AFF4: variants seen among roughly 807,000 people sequenced by gnomAD.
AFF4 encodes ALF transcription elongation factor 4, also known as AF4/FMR2 family member 4.
In AFF4, 13 loss-of-function variants were observed where a neutral mutation model predicts 124.8. The ratio of observed to expected loss-of-function variants is 0.10; its 90% CI spans 0.07 to 0.17. AFF4 has a LOEUF of 0.17. Ranked by LOEUF, AFF4 falls within the 10% of genes least tolerant of loss-of-function variation. AFF4 has a pLI of 1.00. For synonymous variants in AFF4, 477 were observed against 496.1 expected (o/e 0.96, Z 0.51); for missense variants, 1,092 against 1,403.8 (o/e 0.78, Z 3.55).
chr5:132,882,095 C>T (rs1759995315), intron 20 of AFF4, among the ~76,000 whole-genome samples: 2 of 151,894 alleles, frequency 1.3e-5, no homozygotes, highest in Non-Finnish European at 2.9e-5. Context: ...CATCTGTAGT[C>T]CCAGCTACTC....
chr5:132,889,279 C>T, intron 13 of AFF4, 106 bp from the exon 14 acceptor site: 2 of 711,490 alleles, frequency 2.8e-6, no homozygotes, highest in Non-Finnish European at 4.7e-6. Flanking sequence ...ATTTCATTGC[C>T]TTTCATAATG....
chr5:132,881,020 G>T lies in AFF4; in HGVS notation c.*39C>A. 1.9e-6 allele frequency: 3 copies of T among 1,606,274 alleles called. No homozygotes were observed. The highest frequency in any genetic ancestry group is 2.5e-6 in the Non-Finnish European group (3 of 1,176,806). On this transcript the variant is annotated 3_prime_UTR_variant, in exon 21 of 21. Transcript: ENST00000265343. ...GTTTTCCTTCGTGATGTGACACAGTGTTGTGGAGAAAATCAGAGGCAACGA... is the reference window on the plus strand; with the variant it reads ...GTTTTCCTTCGTGATGTGACACAGTTTTGTGGAGAAAATCAGAGGCAACGA...
chr5:132,903,127 A>G (rs1760591029), intron 6 of AFF4, among the ~76,000 whole-genome samples: 1 of 152,208 alleles, frequency 6.6e-6, no homozygotes, highest in African/African-American at 2.4e-5. Context: ...CGACTAGGGA[A>G]AACAAGCTGA....
chr5:132,902,550 G>T, intron 6 of AFF4, 63 bp from the exon 7 acceptor site: 1 of 1,173,582 alleles, frequency 8.5e-7, no homozygotes, highest in South Asian at 1.3e-5. Flanking sequence ...AAATGTCTAT[G>T]TAAAATACCC....
At chr5:132,959,007 C>T (rs1168726161) in intron 1 of AFF4, among the ~76,000 whole-genome samples, 3 of 152,132 alleles carry the variant, frequency 2.0e-5, no homozygotes, top group Non-Finnish European at 4.4e-5. Context: ...TAGTTTAAAA[C>T]AGTATCCACT....
chr5:132,913,617 A>C (rs1760843961), intron 5 of AFF4, among the ~76,000 whole-genome samples: 1 of 151,984 alleles, frequency 6.6e-6, no homozygotes, highest in South Asian at 2.1e-4. Flanking sequence ...CTGATTTTTA[A>C]ATTTTTGGCA....
rs755243717 is a variant in AFF4, at chr5:132,897,059, G to A, written c.1571C>T (p.Thr524Met). The change falls in exon 11 of 21, where the codon ACG becomes ATG. Residue 524 changes from threonine to methionine, a missense_variant. By Grantham distance (81) the Thr-to-Met change is moderately conservative. This residue lies in a region of AFF4 where 174 missense variants were observed against 205.9 expected (regional missense o/e 0.84). Coordinates refer to ENST00000265343, the MANE Select transcript of AFF4 (RefSeq NM_014423.4). ...GTCTCGTCCCGGAGTAGCGGAACTC[G>A]TTTCTTTAGGTCCACTTGTATCAGT... ...SYTDTSGPKE[T>M]SSATPGRDSK... The A allele has an allele frequency of 3.7e-5, 59 of 1,614,002 alleles. No individual in the cohort carries two copies. In the Middle Eastern group the frequency reaches 2.0e-3, roughly 54 times the overall value.
intron 1 of AFF4, among the ~76,000 whole-genome samples, chr5:132,957,051 A>G: frequency 7.7e-6 from 1 of 130,194 alleles, no homozygotes; most frequent in East Asian, 2.3e-4. Context: ...AAAAAAAAAC[A>G]GAAAAATGGC....
intron 18 of AFF4, among the ~76,000 whole-genome samples, chr5:132,886,040 G>A (rs1037138297): frequency 2.0e-5 from 3 of 152,160 alleles, no homozygotes; most frequent in Admixed American, 6.5e-5. Flanking sequence ...CCAAAGTGCT[G>A]AGATTACAGG....
At position 132,963,586 on chromosome 5, in the gene AFF4, T is replaced by TGGC; in HGVS notation, c.-335_-333dup. The TGGC allele has an allele frequency of 2.5e-6, 1 of 397,544 alleles. No individual in the cohort carries two copies. Among genetic ancestry groups the TGGC allele is most frequent in the East Asian group, 3.6e-5 (1 of 28,008 alleles). 24.6% of individuals were successfully genotyped at this position (397,544 alleles called of 1,614,324 possible). ...GCACCAGGATCCCCGCCCCGTCCGC[T>TGGC]GGCGGCGGCGACGGCAGCTGGACTC... On this transcript the variant is annotated 5_prime_UTR_variant, in exon 1 of 21. Transcript: ENST00000265343.
chr5:132,887,437 G>C, intron 17 of AFF4, 84 bp downstream of exon 17: 1 of 1,278,308 alleles, frequency 7.8e-7, no homozygotes, highest in Non-Finnish European at 1.1e-6. Flanking sequence ...TCTGATTCAA[G>C]GAAAACATTC....
chr5:132,950,473 CAATA>C (rs59564701), intron 1 of AFF4, among the ~76,000 whole-genome samples: 2,777 of 151,708 alleles, frequency 0.018, 75 homozygotes, highest in African/African-American at 0.063. Flanking sequence ...AACTCCATCT[CAATA>C]AATAAATAAA....
At chr5:132,883,664 TC>T (rs1760043704) in intron 19 of AFF4, 104 bp from the exon 20 acceptor site, 1 of 1,002,826 alleles carries the variant, frequency 1.0e-6, no homozygotes, top group African/African-American at 1.6e-5. Context: ...ATGTAAAGAT[TC>T]TCTTAAACTA....
chr5:132,887,888 T>G lies in AFF4; in HGVS notation c.2891A>C (p.Lys964Thr). ...NALEKNAQESKSPFPMYSETV... is the reference protein window; with the variant it reads ...NALEKNAQESTSPFPMYSETV... The stretch of plus-strand genomic sequence containing the variant: ...CTCTGAATACATAGGGAATGGGGAT[T>G]TGGATTCCTGAGCATTCTTCTCTAA... Residue 964 changes from lysine (K) to threonine (T), a missense_variant, in exon 16 of 21, where the codon AAA (lysine) becomes ACA (threonine). Lys to Thr is a moderately conservative substitution (Grantham distance 78, BLOSUM62 -1). Transcript: ENST00000265343. 1 of 1,613,892 alleles carries G rather than the reference T, an allele frequency of 6.2e-7. No homozygotes were observed. The highest frequency in any genetic ancestry group is 8.5e-7 in the Non-Finnish European group (1 of 1,179,964).
At chr5:132,953,691 T>C (rs1441655726) in intron 1 of AFF4, among the ~76,000 whole-genome samples, 1 of 152,216 alleles carries the variant, frequency 6.6e-6, no homozygotes. Flanking sequence ...TGCTGAATTC[T>C]TCCTTCAACC....
At chr5:132,945,157 T>C (rs545873184) in intron 1 of AFF4, 1 of 153,122 alleles carries the variant, frequency 6.5e-6, no homozygotes, top group South Asian at 2.1e-4. Context: ...AAAGACTGGT[T>C]AATGATAACA....
intron 5 of AFF4, among the ~76,000 whole-genome samples, chr5:132,918,203 G>A (rs953626567): frequency 1.3e-5 from 2 of 151,592 alleles, no homozygotes; most frequent in Admixed American, 6.6e-5. Flanking sequence ...GACTATCCTG[G>A]CCAACATGGT....
At chr5:132,908,420 T>C (rs906868626) in intron 5 of AFF4, among the ~76,000 whole-genome samples, 2 of 152,128 alleles carry the variant, frequency 1.3e-5, no homozygotes, top group Non-Finnish European at 2.9e-5. Flanking sequence ...AGAAATACCA[T>C]GCTTATTAAA....
chr5:132,956,934 C>A (rs577051149), intron 1 of AFF4, among the ~76,000 whole-genome samples: 3 of 130,142 alleles, frequency 2.3e-5, no homozygotes, highest in South Asian at 2.5e-4. Context: ...GCAGAAGAAT[C>A]AGTTGAACCT....
Sources: gnomAD v4.1 joint callset for allele counts (sites outside exome capture counted in the v4.1 genomes callset) on GRCh38, gnomAD v4.1.1 for gene constraint, gnomAD v4.1.1 regional missense constraint, MANE v1.5 for transcripts, NCBI Gene and HGNC (gene_info 2026-07-23, HGNC 2026-07-21) for gene names.